The following ABI3BP variants were observed in gnomAD, a reference collection of about 807,000 sequenced individuals.
The protein encoded by ABI3BP is ABI family member 3 binding protein, also known as target of Nesh-SH3.
In ABI3BP, 216 loss-of-function variants were observed where a neutral mutation model predicts 268.6. The observed-to-expected ratio is 0.80, with a 90% confidence interval of 0.72 to 0.90. The LOEUF is 0.90. ABI3BP is among the 40% of genes least tolerant of loss of function. The pLI is 0.00. For synonymous variants in ABI3BP, 730 were observed against 730.0 expected (o/e 1.00, Z 0.00); for missense variants, 2,090 against 2,182.4 (o/e 0.96, Z 0.84).
At chr3:100,922,058 T>C (rs1214600924) in intron 2 of ABI3BP, among the ~76,000 whole-genome samples, 3 of 152,250 alleles carry the variant, frequency 2.0e-5, no homozygotes, top group Non-Finnish European at 2.9e-5. Context: ...TACCACTACC[T>C]TATTACAAAA....
At chr3:100,778,618 T>C (rs1444237007) in intron 58 of ABI3BP, 1 of 451,782 alleles carries the variant, frequency 2.2e-6, no homozygotes, top group African/African-American at 2.0e-5. Context: ...TCATTATAGA[T>C]GAATATACAG....
At chr3:100,948,463 G>A (rs771759243) in intron 1 of ABI3BP, among the ~76,000 whole-genome samples, 1 of 152,170 alleles carries the variant, frequency 6.6e-6, no homozygotes, top group Non-Finnish European at 1.5e-5. Context: ...AACAGAATGT[G>A]TTACTAAAAT....
intron 57 of ABI3BP, among the ~76,000 whole-genome samples, chr3:100,784,052 G>A (rs1307889676): frequency 1.3e-5 from 2 of 151,944 alleles, no homozygotes; most frequent in Non-Finnish European, 2.9e-5. Context: ...TTGGGGTACA[G>A]CAATGTCTAT....
chr3:100,855,566 C>A (rs2098930014), intron 14 of ABI3BP, among the ~76,000 whole-genome samples: 2 of 152,190 alleles, frequency 1.3e-5, no homozygotes, highest in African/African-American at 4.8e-5. Context: ...TTACAATAAA[C>A]AGTAACAGTG....
chr3:100,922,354 A>T (rs760752096), intron 2 of ABI3BP, among the ~76,000 whole-genome samples: 1 of 152,186 alleles, frequency 6.6e-6, no homozygotes, highest in Non-Finnish European at 1.5e-5. Context: ...TGAAGATGTG[A>T]GGTTGCGTGA....
At position 100,814,353 on chromosome 3, in the gene ABI3BP, G is replaced by A. The variant is rs1225308537; in HGVS notation, c.3290-618C>T. ...TAACAAAATGTTGAATATCATCTAG[G>A]AGTGTTTTGTTCTATATTTTAGTTT... On this transcript the variant is annotated intron_variant, in intron 44 of 67. Transcript: ENST00000471714. Among the ~76,000 whole-genome samples the A allele has an allele frequency of 2.6e-5, 4 of 151,972 alleles. No individual in the cohort carries two copies. The East Asian group carries it at 7.7e-4, about 29-fold the overall frequency.
chr3:100,830,110 CATATAT>C (rs559297681), intron 32 of ABI3BP, among the ~76,000 whole-genome samples: 845 of 43,858 alleles, frequency 0.019, 7 homozygotes, highest in Admixed American at 0.03. Context: ...TACATACATA[CATATAT>C]ATATATATAT....
chr3:100,842,177 A>G (rs1580061474), intron 20 of ABI3BP, 138 bp from the exon 21 acceptor site: 4 of 655,048 alleles, frequency 6.1e-6, no homozygotes, highest in South Asian at 2.0e-5. Flanking sequence ...GTGAAGTTCA[A>G]CCTTCCACAT....
At chr3:100,987,006 A>T (rs1195774838) in intron 1 of ABI3BP, among the ~76,000 whole-genome samples, 1 of 152,030 alleles carries the variant, frequency 6.6e-6, no homozygotes, top group Non-Finnish European at 1.5e-5. Flanking sequence ...TTCTTATTTG[A>T]CTAGTAATCT....
chr3:100,820,646 T>A (rs926739899), intron 39 of ABI3BP, among the ~76,000 whole-genome samples: 2 of 152,144 alleles, frequency 1.3e-5, no homozygotes, highest in African/African-American at 4.8e-5. Context: ...TTAATGAAAA[T>A]GTCAATCAGA....
At chr3:100,985,894 A>G (rs571904573) in intron 1 of ABI3BP, among the ~76,000 whole-genome samples, 1 of 152,286 alleles carries the variant, frequency 6.6e-6, no homozygotes, top group South Asian at 2.1e-4. Flanking sequence ...CTGGAGTTAG[A>G]TTTCCCATAT....
intron 61 of ABI3BP, among the ~76,000 whole-genome samples, chr3:100,772,035 A>G (rs927459831): frequency 1.3e-5 from 2 of 152,226 alleles, no homozygotes; most frequent in African/African-American, 4.8e-5. Context: ...TGTATACAGA[A>G]CAACAAAGAT....
intron 63 of ABI3BP, among the ~76,000 whole-genome samples, chr3:100,762,442 ATTC>A (rs1054151217): frequency 1.3e-5 from 2 of 152,068 alleles, no homozygotes; most frequent in Admixed American, 6.6e-5. Flanking sequence ...CTTCCATCCT[ATTC>A]TTTATCAAAT....
intron 52 of ABI3BP, 41 bp from the exon 53 acceptor site, chr3:100,795,892 T>G: frequency 8.0e-7 from 1 of 1,252,802 alleles, no homozygotes; most frequent in Non-Finnish European, 1.0e-6. Flanking sequence ...TTATGAGAAT[T>G]ACTACCTGGC....
At chr3:100,876,315 C>T (rs1032987083) in intron 7 of ABI3BP, among the ~76,000 whole-genome samples, 197 bp downstream of exon 7, 2 of 151,972 alleles carry the variant, frequency 1.3e-5, no homozygotes, top group Non-Finnish European at 2.9e-5. Flanking sequence ...TGTGACCAGC[C>T]CAAAGCTTGG....
chr3:100,989,291 C>T (rs1047688673), intron 1 of ABI3BP, among the ~76,000 whole-genome samples: 2 of 151,984 alleles, frequency 1.3e-5, no homozygotes, highest in Non-Finnish European at 2.9e-5. Flanking sequence ...CACAGAAGCA[C>T]GAAACAGACA....
chr3:100,970,858 T>C (rs2083299116), intron 1 of ABI3BP, among the ~76,000 whole-genome samples: 1 of 152,222 alleles, frequency 6.6e-6, no homozygotes, highest in Non-Finnish European at 1.5e-5. Flanking sequence ...TGTTAGTAAC[T>C]GTTACTTCAT....
Position 100,927,061 on chromosome 3 carries a change from C to A in ABI3BP, c.80-580G>T, listed in dbSNP as rs543850203. 2.0e-5 allele frequency among the ~76,000 whole-genome samples: 3 copies of A among 152,168 alleles called. No homozygotes were observed. In the East Asian group the frequency reaches 5.8e-4, roughly 29 times the overall value. On this transcript the variant is annotated intron_variant, in intron 1 of 67. Transcript: ENST00000471714. ...GTACATCTGGAAATACATGGAGATGCCCAGTAGTGAGTGGGATTTCTAAGT... is the reference window on the plus strand; with the variant it reads ...GTACATCTGGAAATACATGGAGATGACCAGTAGTGAGTGGGATTTCTAAGT...
chr3:100,756,053 T>A (rs2095600398), intron 63 of ABI3BP, among the ~76,000 whole-genome samples: 1 of 152,206 alleles, frequency 6.6e-6, no homozygotes, highest in Non-Finnish European at 1.5e-5. Flanking sequence ...CAGATTCTAG[T>A]GCTACAACAA....
Sources: allele counts gnomAD v4.1 joint callset (sites outside exome capture counted in the v4.1 genomes callset), GRCh38; gene constraint gnomAD v4.1.1; transcripts MANE v1.5; gene names NCBI Gene and HGNC (gene_info 2026-07-23, HGNC 2026-07-21).